The following GFM2 variants were observed in gnomAD, a reference collection of about 807,000 sequenced individuals.
GFM2 encodes GTP dependent ribosome recycling factor mitochondrial 2.
In GFM2, 72 loss-of-function variants were observed where a neutral mutation model predicts 95.4. The ratio of observed to expected loss-of-function variants is 0.76; its 90% CI spans 0.62 to 0.92. GFM2 has a LOEUF of 0.92. Ranked by LOEUF, GFM2 falls within the 40% of genes least tolerant of loss-of-function variation. The pLI, the probability that GFM2 is intolerant of heterozygous loss-of-function variation, is 0.00. For synonymous variants in GFM2, 276 were observed against 317.5 expected, an observed-to-expected ratio of 0.87 and a Z score of 1.39; for missense variants, 825 against 924.1, an observed-to-expected ratio of 0.89 and a Z score of 1.39.
intron 1 of GFM2, 38 bp from the exon 2 acceptor site, chr5:74,763,804 T>C (rs1355008177): frequency 1.6e-6 from 2 of 1,218,516 alleles, no homozygotes; most frequent in East Asian, 4.7e-5. Context: ...AAACTAAACT[T>C]ATGTATTACA....
In GFM2 at chr5:74,756,369, C is replaced by A. The variant is rs557981646; in HGVS notation, c.304+2480G>T. 1.9e-4 allele frequency among the ~76,000 whole-genome samples: 29 copies of A among 152,214 alleles called. No homozygotes were observed. In the East Asian group the frequency reaches 3.3e-3, roughly 17 times the overall value. ...TTACTCCTGCAAGAATGGCCACAAT[C>A]AAAAAATAACAGATGTTGGAGTGGA... is the stretch of plus-strand genomic sequence containing the variant. On this transcript the variant is annotated intron_variant, in intron 5 of 20. Transcript: ENST00000296805.
rs1444532182 is a variant in GFM2, at chr5:74,745,706, G to A, written c.821C>T (p.Thr274Ile). 6.2e-7 allele frequency: 1 copy of A among 1,612,986 alleles called. No homozygotes were observed. The highest frequency in any genetic ancestry group is 1.7e-5 in the Admixed American group (1 of 59,756). ...MNDPELLKET[T>I]EARNALIEQV... ...TTCAATTAAGGCATTCCTTGCTTCA[G>A]TTGTTTCCTTCAGCAATTCAGGATC... Residue 274 changes from threonine (T) to isoleucine (I), a missense_variant, in exon 10 of 21, where the codon ACT becomes ATT. Thr to Ile is a moderately conservative substitution (Grantham distance 89). Transcript: ENST00000296805.
At chr5:74,729,257 G>A (rs1478218902) in intron 17 of GFM2, among the ~76,000 whole-genome samples, 1 of 152,152 alleles carries the variant, frequency 6.6e-6, no homozygotes, top group Non-Finnish European at 1.5e-5. Flanking sequence ...CAGAAATCTT[G>A]TTCCCTTACC....
At chr5:74,745,611 G>T in intron 10 of GFM2, 67 bp downstream of exon 10, 1 of 1,333,212 alleles carries the variant, frequency 7.5e-7, no homozygotes. Flanking sequence ...AGATGCTAAA[G>T]TATGACTATA....
At chr5:74,734,698 A>C (rs1265632751) in intron 15 of GFM2, among the ~76,000 whole-genome samples, 1 of 152,238 alleles carries the variant, frequency 6.6e-6, no homozygotes, top group African/African-American at 2.4e-5. Flanking sequence ...TTATTTTAAA[A>C]TATTTGTGAT....
At chr5:74,755,307 GAATAA>G (rs1743923849) in intron 5 of GFM2, among the ~76,000 whole-genome samples, 1 of 152,008 alleles carries the variant, frequency 6.6e-6, no homozygotes, top group African/African-American at 2.4e-5. Flanking sequence ...TATCATAGTG[GAATAA>G]AACTGGAAAT....
At chr5:74,735,790 G>A (rs1742805027) in intron 15 of GFM2, among the ~76,000 whole-genome samples, 1 of 152,120 alleles carries the variant, frequency 6.6e-6, no homozygotes, top group Non-Finnish European at 1.5e-5. Context: ...TTAAAGAAGA[G>A]GGTCAAAATG....
At chr5:74,748,739 C>A (rs961551818) in intron 7 of GFM2, among the ~76,000 whole-genome samples, 1 of 151,492 alleles carries the variant, frequency 6.6e-6, no homozygotes, top group Non-Finnish European at 1.5e-5. Flanking sequence ...GTGGTGCACG[C>A]CTGTAGTCCC....
intron 8 of GFM2, among the ~76,000 whole-genome samples, chr5:74,747,127 C>G (rs1346150685): frequency 6.6e-6 from 1 of 152,068 alleles, no homozygotes; most frequent in Non-Finnish European, 1.5e-5. Flanking sequence ...AATTATATTC[C>G]CAGGACAATG....
chr5:74,725,835 G>A, intron 18 of GFM2, 80 bp from the exon 19 acceptor site: 1 of 1,433,854 alleles, frequency 7.0e-7, no homozygotes, highest in Non-Finnish European at 9.8e-7. Context: ...GGAATAGGGA[G>A]AAAACACTAA....
At chr5:74,722,959 A>C (rs1478982459) in intron 19 of GFM2, among the ~76,000 whole-genome samples, 4 of 152,194 alleles carry the variant, frequency 2.6e-5, no homozygotes, top group Non-Finnish European at 5.9e-5. Flanking sequence ...ATTTAGTGCA[A>C]TAAGGTAGTA....
In GFM2 at chr5:74,760,941, G is replaced by A. The variant is rs138677794; in HGVS notation, c.109C>T (p.Pro37Ser). ...KIRASLKRLK[P>S]HVPLGRNCSS... is the part of the protein sequence containing the mutation. ...CAATTTCTTCCAAGCGGCACATGTG[G>A]CTTTAATCTTTTTAAACTTGCTCTT... Residue 37 changes from proline to serine, a missense_variant, in exon 3 of 21, where the codon CCA becomes TCA. Coordinates refer to ENST00000296805, the MANE Select transcript of GFM2 (RefSeq NM_032380.5). The A allele has an allele frequency of 3.7e-6, 6 of 1,610,464 alleles. 1 individual carries two copies. Among genetic ancestry groups the A allele is most frequent in the Middle Eastern group, 1.6e-4 (1 of 6,074 alleles).
At chr5:74,733,949 C>G (rs911018222) in intron 15 of GFM2, among the ~76,000 whole-genome samples, 1 of 152,064 alleles carries the variant, frequency 6.6e-6, no homozygotes, top group Non-Finnish European at 1.5e-5. Context: ...TTAATACACT[C>G]AATTAACTGA....
chr5:74,749,337 CAAT>C (rs1449375476), intron 7 of GFM2, among the ~76,000 whole-genome samples: 1 of 152,088 alleles, frequency 6.6e-6, no homozygotes, highest in Non-Finnish European at 1.5e-5. Context: ...GTCTTATCAA[CAAT>C]GTGTAAGATT....
Position 74,740,028 on chromosome 5 carries a change from A to C in GFM2, c.1040T>G (p.Met347Arg). 1 of 1,597,768 alleles carries C rather than the reference A, an allele frequency of 6.3e-7. No individual in the cohort carries two copies. Among genetic ancestry groups the C allele is most frequent in the Non-Finnish European group, 8.5e-7 (1 of 1,173,556 alleles). The stretch of plus-strand genomic sequence containing the variant: ...ACGCTCTTCAGGTGAAGGTAAGTAC[A>C]TAGTAACAGCATCTAACAAGGGCTG... ...GIQPLLDAVT[M>R]YLPSPEERNY... The change falls in exon 12 of 21, where the codon ATG (methionine) becomes AGG (arginine). Residue 347 changes from methionine to arginine, a missense_variant. Physicochemically the swap from Met to Arg is moderately conservative, Grantham distance 91. Transcript: ENST00000296805.
At chr5:74,739,562 T>G (rs1314467105) in intron 12 of GFM2, among the ~76,000 whole-genome samples, 1 of 152,156 alleles carries the variant, frequency 6.6e-6, no homozygotes, top group Non-Finnish European at 1.5e-5. Flanking sequence ...ACTCAGATTT[T>G]AAAGGACTTA....
chr5:74,738,419 T>C lies in GFM2; in HGVS notation c.1221-2A>G. ...AAAAGCAGACGACTTATTCTCTCCC[T>C]GTAAAATCACAATTTTATGTTAGTA... On this transcript the variant is annotated splice_acceptor_variant, in intron 13 of 20. Coordinates refer to ENST00000296805, the MANE Select transcript of GFM2 (RefSeq NM_032380.5). LOFTEE classifies it high-confidence loss of function. 3 of 1,612,766 alleles carry C rather than the reference T, an allele frequency of 1.9e-6. No homozygotes were observed. The highest frequency in any genetic ancestry group is 2.5e-6 in the Non-Finnish European group (3 of 1,179,344).
intron 1 of GFM2, among the ~76,000 whole-genome samples, chr5:74,765,872 G>A (rs1744560621): frequency 6.6e-6 from 1 of 152,026 alleles, no homozygotes; most frequent in Non-Finnish European, 1.5e-5. Flanking sequence ...GGTGGCGAGC[G>A]CCTATAATTC....
chr5:74,765,924 G>A (rs1411858565), intron 1 of GFM2, among the ~76,000 whole-genome samples: 1 of 152,128 alleles, frequency 6.6e-6, no homozygotes, highest in Admixed American at 6.5e-5. Context: ...GCTTGAACCC[G>A]GGAGGCAGAG....
Sources: gnomAD v4.1 joint callset for allele counts (sites outside exome capture counted in the v4.1 genomes callset) on GRCh38, gnomAD v4.1.1 for gene constraint, MANE v1.5 for transcripts, NCBI Gene and HGNC (gene_info 2026-07-23, HGNC 2026-07-21) for gene names.